SORCS3: variants seen among roughly 807,000 people sequenced by gnomAD.
SORCS3 encodes VPS10 domain-containing receptor SorCS3.
Under a neutral mutation model 146.3 loss-of-function variants are expected in SORCS3, and 57 were observed. The ratio of observed to expected loss-of-function variants is 0.39; its 90% CI spans 0.31 to 0.49. SORCS3 has a LOEUF of 0.49. Ranked by LOEUF, SORCS3 falls within the 20% of genes least tolerant of loss-of-function variation. SORCS3 has a pLI of 0.92. For synonymous variants in SORCS3, 653 were observed against 618.5 expected, an observed-to-expected ratio of 1.06 and a Z score of -0.83; for missense variants, 1,341 against 1,575.5, an observed-to-expected ratio of 0.85 and a Z score of 2.52.
At chr10:105,192,439 GA>G (rs1037703188) in intron 14 of SORCS3, among the ~76,000 whole-genome samples, 1 of 152,112 alleles carries the variant, frequency 6.6e-6, no homozygotes, top group African/African-American at 2.4e-5. Context: ...GGCAGTAACA[GA>G]AAGAAGAAAC....
chr10:105,133,773 G>A lies in SORCS3; in HGVS notation c.1213-5624G>A, dbSNP rs1371332864. Among the ~76,000 whole-genome samples, 7 of 152,132 alleles carry A rather than the reference G, an allele frequency of 4.6e-5. No homozygotes were observed. In the South Asian group the frequency reaches 1.5e-3, roughly 32 times the overall value. ...CTTTGAGACCAGCCTGGGCAACAGA[G>A]GGAGACCCAGTCTCTACAAAACATA... On this transcript the variant is annotated intron_variant, in intron 7 of 26. Coordinates refer to ENST00000369701, the MANE Select transcript of SORCS3 (RefSeq NM_014978.3).
At chr10:104,647,996 G>T (rs2015514658) in intron 1 of SORCS3, among the ~76,000 whole-genome samples, 1 of 152,222 alleles carries the variant, frequency 6.6e-6, no homozygotes, top group Admixed American at 6.5e-5. Context: ...AGGAGACAAA[G>T]AAGGATAAGA....
chr10:104,909,245 G>GA (rs970908304), intron 2 of SORCS3, among the ~76,000 whole-genome samples: 5 of 151,930 alleles, frequency 3.3e-5, no homozygotes, highest in African/African-American at 9.7e-5. Context: ...TGTTTTACAG[G>GA]AAAAAAAAGT....
At chr10:104,999,034 A>G (rs112947909) in intron 4 of SORCS3, among the ~76,000 whole-genome samples, 3,164 of 152,270 alleles carry the variant, frequency 0.021, 47 homozygotes, top group Non-Finnish European at 0.03. Context: ...TGCCAGTGTC[A>G]CTTGATGGCA....
At chr10:104,654,239 A>G (rs1032647008) in intron 1 of SORCS3, among the ~76,000 whole-genome samples, 2 of 152,192 alleles carry the variant, frequency 1.3e-5, no homozygotes, top group Admixed American at 6.5e-5. Context: ...AATCTTGGCT[A>G]TTGTGAATAG....
intron 5 of SORCS3, among the ~76,000 whole-genome samples, chr10:105,078,862 A>G (rs751072106): frequency 6.6e-6 from 1 of 152,214 alleles, no homozygotes; most frequent in Non-Finnish European, 1.5e-5. Flanking sequence ...GATGGAGCCA[A>G]GACTCTAACC....
intron 4 of SORCS3, among the ~76,000 whole-genome samples, chr10:105,027,811 T>A (rs143399056): frequency 6.6e-6 from 1 of 152,192 alleles, no homozygotes; most frequent in Non-Finnish European, 1.5e-5. Flanking sequence ...GGCTTCCTAG[T>A]GCTCCTGAGC....
At chr10:105,069,275 A>C (rs2055542388) in intron 5 of SORCS3, among the ~76,000 whole-genome samples, 2 of 152,236 alleles carry the variant, frequency 1.3e-5, no homozygotes, top group African/African-American at 4.8e-5. Context: ...AATTCTAGGC[A>C]AATCCAGGAA....
chr10:105,204,499 C>CT (rs1300335257), intron 16 of SORCS3, among the ~76,000 whole-genome samples: 1 of 151,952 alleles, frequency 6.6e-6, no homozygotes, highest in Non-Finnish European at 1.5e-5. Flanking sequence ...TAGTTTTGAC[C>CT]ATTGGTACTA....
At chr10:105,177,547 T>G (rs1005315776) in intron 13 of SORCS3, among the ~76,000 whole-genome samples, 1 of 152,054 alleles carries the variant, frequency 6.6e-6, no homozygotes, top group Admixed American at 6.5e-5. Context: ...TCAGAACATC[T>G]CAGACTCTCA....
At position 105,021,370 on chromosome 10, in the gene SORCS3, C is replaced by G. The variant is rs1005761165; in HGVS notation, c.955-21685C>G. 1.8e-4 allele frequency among the ~76,000 whole-genome samples: 27 copies of G among 152,186 alleles called. 1 individual carries two copies. The highest frequency in any genetic ancestry group is 3.5e-4 in the Non-Finnish European group (24 of 67,990). Reference sequence around the variant, plus strand: ...CATGAGAGTGGAACCCTTATGAACCCAAAACTTCCCATTAGGCCCCACCTC... The same window carrying G: ...CATGAGAGTGGAACCCTTATGAACCGAAAACTTCCCATTAGGCCCCACCTC... On this transcript the variant is annotated intron_variant, in intron 4 of 26. Coordinates refer to ENST00000369701, the MANE Select transcript of SORCS3 (RefSeq NM_014978.3).
At chr10:105,082,254 G>T (rs1487416307) in intron 5 of SORCS3, among the ~76,000 whole-genome samples, 1 of 152,180 alleles carries the variant, frequency 6.6e-6, no homozygotes, top group Non-Finnish European at 1.5e-5. Flanking sequence ...GAGGGAGAAG[G>T]TGCCTAAACT....
chr10:104,887,570 TTA>T, intron 2 of SORCS3, among the ~76,000 whole-genome samples: 1 of 152,220 alleles, frequency 6.6e-6, no homozygotes, highest in African/African-American at 2.4e-5. Flanking sequence ...AAGAGTCCGG[TTA>T]TAGGAAAGGG....
At chr10:104,855,449 A>G (rs2018319876) in intron 2 of SORCS3, among the ~76,000 whole-genome samples, 1 of 152,186 alleles carries the variant, frequency 6.6e-6, no homozygotes, top group Non-Finnish European at 1.5e-5. Flanking sequence ...CTTTGAATCC[A>G]TGAACATGGT....
At chr10:104,983,106 T>C (rs2054941071) in intron 4 of SORCS3, among the ~76,000 whole-genome samples, 1 of 152,082 alleles carries the variant, frequency 6.6e-6, no homozygotes, top group Non-Finnish European at 1.5e-5. Context: ...TTCAAGCGAT[T>C]CTTGGGTTCA....
At chr10:105,093,894 G>A (rs2055727786) in intron 6 of SORCS3, among the ~76,000 whole-genome samples, 1 of 151,976 alleles carries the variant, frequency 6.6e-6, no homozygotes, top group Non-Finnish European at 1.5e-5. Flanking sequence ...ATTCAGCCTA[G>A]AAAAATGAAA....
At chr10:104,819,731 A>C in intron 1 of SORCS3, among the ~76,000 whole-genome samples, 1 of 152,218 alleles carries the variant, frequency 6.6e-6, no homozygotes, top group East Asian at 1.9e-4. Flanking sequence ...TTTTAGAAGA[A>C]AACTAGGGCC....
At position 104,832,238 on chromosome 10, in the gene SORCS3, C is replaced by CATA. The variant is rs904426183; in HGVS notation, c.628-10541_628-10539dup. Among the ~76,000 whole-genome samples, 16 of 152,168 alleles carry CATA rather than the reference C, an allele frequency of 1.1e-4. No individual in the cohort carries two copies. The East Asian group carries it at 3.1e-3, about 29-fold the overall frequency. ...AGGGGCACTTGAAATTAATAAGAGG[C>CATA]ATAATAATAATAATAGGTTTCAGAC... On this transcript the variant is annotated intron_variant, in intron 1 of 26. Transcript: ENST00000369701.
At chr10:104,928,260 G>A (rs982989752) in intron 3 of SORCS3, among the ~76,000 whole-genome samples, 1 of 152,086 alleles carries the variant, frequency 6.6e-6, no homozygotes, top group African/African-American at 2.4e-5. Flanking sequence ...AGGAAGGCTG[G>A]CGACCAGCCT....
Sources: gnomAD v4.1 joint callset for allele counts (sites outside exome capture counted in the v4.1 genomes callset) on GRCh38, gnomAD v4.1.1 for gene constraint, MANE v1.5 for transcripts, NCBI Gene and HGNC (gene_info 2026-07-23, HGNC 2026-07-21) for gene names.